NRG1: variants seen among roughly 807,000 people sequenced by gnomAD.
The protein encoded by NRG1 is neuregulin 1.
Under a neutral mutation model 63.8 loss-of-function variants are expected in NRG1, and 18 were observed. The observed-to-expected ratio is 0.28, with a 90% CI of 0.19 to 0.42. The LOEUF (loss-of-function observed/expected upper bound fraction) is 0.42, where lower values mean the gene tolerates loss of function less well. NRG1 is among the 10% of genes least tolerant of loss of function. The pLI, the probability that NRG1 is intolerant of heterozygous loss-of-function variation, is 1.00. For synonymous variants in NRG1, 302 were observed against 301.3 expected (o/e 1.00, Z -0.02); for missense variants, 762 against 814.7 (o/e 0.94, Z 0.79).
intron 1 of NRG1, among the ~76,000 whole-genome samples, chr8:31,688,385 G>T (rs541679320): frequency 6.6e-6 from 1 of 152,316 alleles, no homozygotes; most frequent in African/African-American, 2.4e-5. Context: ...GGAACCATCT[G>T]TGAGGAAGTG....
chr8:32,292,614 C>A (rs1854337284), intron 1 of NRG1, among the ~76,000 whole-genome samples: 1 of 152,138 alleles, frequency 6.6e-6, no homozygotes, highest in African/African-American at 2.4e-5. Flanking sequence ...TTCTAATTCG[C>A]AGTAGCAGTA....
chr8:31,671,301 A>G (rs1276452006), intron 1 of NRG1, among the ~76,000 whole-genome samples: 1 of 152,210 alleles, frequency 6.6e-6, no homozygotes, highest in African/African-American at 2.4e-5. Flanking sequence ...GTGAGAGAAG[A>G]CGACAGGCTA....
At chr8:31,665,416 T>G (rs1468510012) in intron 1 of NRG1, among the ~76,000 whole-genome samples, 1 of 152,112 alleles carries the variant, frequency 6.6e-6, no homozygotes, top group Non-Finnish European at 1.5e-5. Context: ...TTGGTAAGGG[T>G]ACAGGTCATT....
intron 1 of NRG1, among the ~76,000 whole-genome samples, chr8:31,645,630 C>A (rs534717377): frequency 2.2e-3 from 336 of 152,278 alleles, no homozygotes; most frequent in Non-Finnish European, 4.0e-3. Flanking sequence ...GCCATCCAGG[C>A]ATCCTAGAGA....
chr8:32,137,494 A>T (rs1206946697), intron 1 of NRG1, among the ~76,000 whole-genome samples: 1 of 152,124 alleles, frequency 6.6e-6, no homozygotes, highest in Non-Finnish European at 1.5e-5. Flanking sequence ...AGTTAAGTAT[A>T]TATTTTTCTA....
intron 5 of NRG1, among the ~76,000 whole-genome samples, chr8:32,667,082 C>A (rs995980517): frequency 6.6e-6 from 1 of 152,148 alleles, no homozygotes; most frequent in Admixed American, 6.5e-5. Context: ...TTAACACAAG[C>A]CTTGATGGTA....
intron 1 of NRG1, among the ~76,000 whole-genome samples, chr8:31,737,539 G>C (rs1586040412): frequency 6.6e-6 from 1 of 152,016 alleles, no homozygotes; most frequent in Non-Finnish European, 1.5e-5. Flanking sequence ...AGAATATTTG[G>C]TACTGCTGTC....
At chr8:32,342,130 T>C (rs1804160585) in intron 1 of NRG1, among the ~76,000 whole-genome samples, 1 of 152,206 alleles carries the variant, frequency 6.6e-6, no homozygotes, top group South Asian at 2.1e-4. Context: ...TGAGTTTATG[T>C]TTATGTGTTA....
intron 1 of NRG1, among the ~76,000 whole-genome samples, chr8:32,229,126 T>C (rs1227932095): frequency 6.6e-6 from 1 of 152,152 alleles, no homozygotes; most frequent in Non-Finnish European, 1.5e-5. Context: ...GGTCAATTAG[T>C]GCACCGGAAA....
intron 1 of NRG1, among the ~76,000 whole-genome samples, chr8:32,550,242 T>C (rs1370515221): frequency 2.0e-5 from 3 of 152,186 alleles, no homozygotes; most frequent in East Asian, 1.9e-4. Flanking sequence ...TGAGGGTGTA[T>C]TGAATTTTCC....
chr8:31,915,312 G>A (rs1021440983), intron 1 of NRG1, among the ~76,000 whole-genome samples: 4 of 152,008 alleles, frequency 2.6e-5, no homozygotes, highest in East Asian at 3.9e-4. Context: ...CATAAATTAC[G>A]ATGGCAGGCA....
intron 1 of NRG1, among the ~76,000 whole-genome samples, chr8:32,509,111 TTTA>T (rs1828884352): frequency 6.9e-6 from 1 of 144,284 alleles, no homozygotes; most frequent in Non-Finnish European, 1.5e-5. Context: ...TTTATTTTAT[TTTA>T]TTTTTTGCGA....
intron 2 of NRG1, among the ~76,000 whole-genome samples, chr8:32,602,338 G>T (rs2129538683): frequency 6.6e-6 from 1 of 152,164 alleles, no homozygotes; most frequent in Non-Finnish European, 1.5e-5. Flanking sequence ...AGGCCTATTA[G>T]GAGAAGTTTG....
At chr8:32,184,952 G>A (rs1381177793) in intron 1 of NRG1, among the ~76,000 whole-genome samples, 1 of 152,182 alleles carries the variant, frequency 6.6e-6, no homozygotes, top group Non-Finnish European at 1.5e-5. Context: ...CATGAGTGGT[G>A]AAATTCTCAG....
intron 1 of NRG1, among the ~76,000 whole-genome samples, chr8:32,034,094 A>C (rs1470121371): frequency 2.2e-4 from 33 of 152,050 alleles, no homozygotes; most frequent in Admixed American, 2.2e-3. Flanking sequence ...GTTTGTTATA[A>C]ATGGCTCTTA....
intron 1 of NRG1, among the ~76,000 whole-genome samples, chr8:31,863,230 T>C (rs1351449002): frequency 6.6e-6 from 1 of 152,212 alleles, no homozygotes; most frequent in Non-Finnish European, 1.5e-5. Context: ...TTCTTGGATA[T>C]TGAAAATACT....
At chr8:32,164,173 T>C (rs1001182272) in intron 1 of NRG1, among the ~76,000 whole-genome samples, 3 of 152,080 alleles carry the variant, frequency 2.0e-5, no homozygotes, top group Non-Finnish European at 4.4e-5. Context: ...TTCTACTCTT[T>C]TCATCTGACC....
intron 1 of NRG1, among the ~76,000 whole-genome samples, chr8:32,122,769 C>T (rs923180477): frequency 1.3e-5 from 2 of 151,584 alleles, no homozygotes; most frequent in Admixed American, 6.6e-5. Context: ...TGCTATCCCT[C>T]CCCGCTCCCC....
intron 1 of NRG1, among the ~76,000 whole-genome samples, chr8:32,326,307 C>CTTTT (rs745434807): frequency 2.4e-4 from 24 of 101,406 alleles, no homozygotes; most frequent in Non-Finnish European, 3.1e-4. Flanking sequence ...TGTGCCCAGG[C>CTTTT]TTTTTTTTTT....
Sources: allele counts gnomAD v4.1 joint callset (sites outside exome capture counted in the v4.1 genomes callset), GRCh38; gene constraint gnomAD v4.1.1; transcripts MANE v1.5; gene names NCBI Gene and HGNC (gene_info 2026-07-23, HGNC 2026-07-21).